The following MORF4L2 variants were observed in gnomAD, a reference collection of about 807,000 sequenced individuals.
The protein encoded by MORF4L2 is mortality factor 4-like protein 2.
Under a neutral mutation model 12.0 loss-of-function variants are expected in MORF4L2, and 1 was observed. That is an observed-to-expected ratio of 0.08 (90% confidence interval 0.03 to 0.40). The LOEUF (loss-of-function observed/expected upper bound fraction) is 0.40, where lower values mean the gene tolerates loss of function less well. Among genes scored for constraint, MORF4L2 ranks in the 10% least tolerant of loss-of-function variants. The pLI, the probability that MORF4L2 is intolerant of heterozygous loss-of-function variation, is 0.98. For missense variants in MORF4L2, 123 were observed against 214.0 expected, an observed-to-expected ratio of 0.57 and a Z score of 2.65; for synonymous variants, 69 against 81.6, an observed-to-expected ratio of 0.85 and a Z score of 0.83.
rs1452742479 is a variant in MORF4L2 at position 103,676,176 on chromosome X, G to A, written c.852C>T (p.His284=). The A allele has an allele frequency of 3.3e-6, 4 of 1,202,924 alleles. No homozygotes were observed. In the Admixed American group the frequency reaches 8.8e-5, roughly 27 times the overall value. Residue 284 remains histidine (H), a synonymous_variant, in exon 4 of 4, where the codon CAC becomes CAT. Coordinates refer to ENST00000441076, the MANE Select transcript of MORF4L2 (RefSeq NM_012286.3). The stretch of plus-strand genomic sequence containing the variant: ...CTGTAGACGCTCACAGGGCTTTGCG[G>A]TGGTACTCAGCAGAAGCCACTTTGT... ...SDYKVASAEY[H]RKAL is the part of the protein sequence containing the mutation.
At position 103,686,670 on chromosome X, in the gene MORF4L2, G is replaced by A. The variant is rs1464770123; in HGVS notation, c.-307C>T. 2 of 104,299 alleles carry A rather than the reference G, an allele frequency of 1.9e-5. No homozygotes were observed. Among genetic ancestry groups the A allele is most frequent in the African/African-American group, 7.1e-5 (2 of 28,081 alleles). The allele number at this position is 104,299 out of a possible 1,213,427, so 8.6% of individuals were successfully genotyped here. A position where few individuals can be genotyped will look rare whatever the true frequency, so the allele number is the denominator to read the frequency against. The stretch of plus-strand genomic sequence containing the variant: ...CAGATCTTCCCAGCAGCCGACGTGT[G>A]ATCACTGCCGTTCCTCCAACCGCCA... On this transcript the variant is annotated 5_prime_UTR_variant, in exon 1 of 4. Coordinates refer to ENST00000441076, the MANE Select transcript of MORF4L2 (RefSeq NM_012286.3).
At chrX:103,684,880 G>A (rs1022217115) in intron 2 of MORF4L2, 2 of 112,330 alleles carry the variant, frequency 1.8e-5, no homozygotes, top group Non-Finnish European at 3.8e-5. Flanking sequence ...ACTAAACTAT[G>A]CTGCATATAG....
chrX:103,684,717 C>A (rs1023494219), intron 2 of MORF4L2: 1 of 112,210 alleles, frequency 8.9e-6, no homozygotes, highest in African/African-American at 3.2e-5. Flanking sequence ...TACATGTAAT[C>A]CTCTCAACAA....
chrX:103,675,846 A>G lies in MORF4L2; in HGVS notation c.*315T>C. On this transcript the variant is annotated 3_prime_UTR_variant, in exon 4 of 4. Transcript: ENST00000441076. ...GCGTTTTGTCACATAGCATTAACAC[A>G]TATTAGAAAATTGTGTAGTGTCAAA... 5.6e-6 allele frequency: 1 copy of G among 179,775 alleles called. No individual in the cohort carries two copies. The highest frequency in any genetic ancestry group is 1.0e-5 in the Non-Finnish European group (1 of 97,416). The allele number at this position is 179,775 out of a possible 1,213,427, so 14.8% of individuals were successfully genotyped here. A position where few individuals can be genotyped will look rare whatever the true frequency, so the allele number is the denominator to read the frequency against.
Position 103,676,000 on chromosome X carries a change from A to G in MORF4L2, c.*161T>C. The G allele has an allele frequency of 1.8e-6, 1 of 549,220 alleles. No homozygotes were observed. 45.3% of individuals were successfully genotyped at this position (549,220 alleles called of 1,213,427 possible). On this transcript the variant is annotated 3_prime_UTR_variant, in exon 4 of 4. Transcript: ENST00000441076. ...CTTTGAAATGAGAAAAGGAGCTTAC[A>G]CTCCTTTTATTTTCTGTTTAAAACA...
At chrX:103,677,366 A>G (rs933645592) in intron 3 of MORF4L2, among the ~76,000 whole-genome samples, 1 of 112,191 alleles carries the variant, frequency 8.9e-6, no homozygotes, top group Non-Finnish European at 1.9e-5. Context: ...TATAAAAGAC[A>G]GTGGAGTTGA....
intron 2 of MORF4L2, among the ~76,000 whole-genome samples, chrX:103,680,293 C>T (rs2073960253): frequency 8.9e-6 from 1 of 112,988 alleles, no homozygotes; most frequent in Admixed American, 9.3e-5. Flanking sequence ...AGTACTTTCA[C>T]TAAGCAAACA....
chrX:103,679,078 G>A (rs1280886100), intron 2 of MORF4L2, among the ~76,000 whole-genome samples: 1 of 111,856 alleles, frequency 8.9e-6, no homozygotes, highest in Non-Finnish European at 1.9e-5. Flanking sequence ...AATTATGTAT[G>A]AATACTACAG....
At chrX:103,687,502 G>GGC (rs1293094639), upstream of MORF4L2, 1 of 111,907 alleles carries the variant, frequency 8.9e-6, no homozygotes. Context: ...AGCCACGGCG[G>GGC]GCGCGCGCGC....
At chrX:103,677,842 A>C (rs908225371) in intron 3 of MORF4L2, among the ~76,000 whole-genome samples, 2 of 111,823 alleles carry the variant, frequency 1.8e-5, no homozygotes, top group Non-Finnish European at 3.8e-5. Flanking sequence ...CAGACACAAG[A>C]AATGGTACAT....
chrX:103,681,881 G>A (rs2073993174), intron 2 of MORF4L2, among the ~76,000 whole-genome samples: 1 of 111,089 alleles, frequency 9.0e-6, no homozygotes, highest in Non-Finnish European at 1.9e-5. Flanking sequence ...ATTAGATCTT[G>A]TGGTACCATT....
intron 2 of MORF4L2, among the ~76,000 whole-genome samples, chrX:103,679,583 A>T (rs1483645932): frequency 9.1e-6 from 1 of 110,057 alleles, no homozygotes; most frequent in East Asian, 2.8e-4. Flanking sequence ...TTTTAGGAAG[A>T]GTGTGCTGTC....
At chrX:103,686,754 G>A (rs192841793), upstream of MORF4L2, 5 of 111,968 alleles carry the variant, frequency 4.5e-5, no homozygotes, top group South Asian at 3.8e-4. Context: ...CACCCTGGAG[G>A]AGGGCGTATG....
In MORF4L2 at chrX:103,677,062, T is replaced by C. The variant is rs1323720253; in HGVS notation, c.-24-11A>G. On this transcript the variant is annotated splice_polypyrimidine_tract_variant and intron_variant, in intron 3 of 3. Coordinates refer to ENST00000441076, the MANE Select transcript of MORF4L2 (RefSeq NM_012286.3). Reference sequence around the variant, plus strand: ...TTTTTATTCCAACCACTGTAATATATAAAATATTTTACTTGGTTGTTTTCT... The same window carrying C: ...TTTTTATTCCAACCACTGTAATATACAAAATATTTTACTTGGTTGTTTTCT... The C allele has an allele frequency of 9.1e-7, 1 of 1,094,522 alleles. No homozygotes were observed. The allele number at this position is 1,094,522 out of a possible 1,213,427, so 90.2% of individuals were successfully genotyped here.
At chrX:103,680,999 G>C (rs1452835755) in intron 2 of MORF4L2, among the ~76,000 whole-genome samples, 1 of 112,113 alleles carries the variant, frequency 8.9e-6, no homozygotes, top group Non-Finnish European at 1.9e-5. Context: ...ACATGACCTA[G>C]TGCCAACCAG....
At chrX:103,677,575 G>A (rs2073876674) in intron 3 of MORF4L2, among the ~76,000 whole-genome samples, 1 of 112,073 alleles carries the variant, frequency 8.9e-6, no homozygotes. Flanking sequence ...GGAGGAATCT[G>A]CAATTTCAAG....
Position 103,676,014 on chromosome X carries a change from C to T in MORF4L2, c.*147G>A, listed in dbSNP as rs2073839158. 1.6e-6 allele frequency: 1 copy of T among 619,467 alleles called. No individual in the cohort carries two copies. Among genetic ancestry groups the T allele is most frequent in the Non-Finnish European group, 2.4e-6 (1 of 411,008 alleles). 51.1% of individuals were successfully genotyped at this position (619,467 alleles called of 1,213,427 possible). ...AAGGAGCTTACACTCCTTTTATTTT[C>T]TGTTTAAAACAGAACGGAAAACAAA... is the stretch of plus-strand genomic sequence containing the variant. On this transcript the variant is annotated 3_prime_UTR_variant, in exon 4 of 4. Transcript: ENST00000441076.
chrX:103,687,102 CTTT>C (rs969572345), upstream of MORF4L2, among the ~76,000 whole-genome samples: 1 of 99,706 alleles, frequency 1.0e-5, no homozygotes, highest in Admixed American at 1.1e-4. Flanking sequence ...TTTCCTTTTC[CTTT>C]TTTTTTTTTT....
rs1295385851 is a variant in MORF4L2 at position 103,676,535 on chromosome X, A to G, written c.493T>C (p.Cys165Arg). ...VDAILEEYAN[C>R]KKSQGNVDNK... ...TCAACATTTCCCTGCGATTTCTTGC[A>G]ATTTGCATACTCCTCCAGAATTGCA... Residue 165 changes from cysteine (C) to arginine (R), a missense_variant, in exon 4 of 4, where the codon TGC (cysteine) becomes CGC (arginine). Cys to Arg is a radical substitution (Grantham distance 180). Transcript: ENST00000441076. 2.5e-6 allele frequency: 3 copies of G among 1,211,177 alleles called. No homozygotes were observed. Among genetic ancestry groups the G allele is most frequent in the Admixed American group, 2.2e-5 (1 of 45,930 alleles).
Sources: allele counts gnomAD v4.1 joint callset (sites outside exome capture counted in the v4.1 genomes callset), GRCh38; gene constraint gnomAD v4.1.1; transcripts MANE v1.5; gene names NCBI Gene and HGNC (gene_info 2026-07-23, HGNC 2026-07-21).